The following FAM168A variants were observed in gnomAD, a reference collection of about 807,000 sequenced individuals.
FAM168A encodes the protein protein FAM168A.
FAM168A carries 3 observed loss-of-function variants against 28.5 expected under a neutral mutation model. The observed-to-expected ratio is 0.11, with a 90% confidence interval of 0.05 to 0.27. FAM168A has a LOEUF of 0.27. Ranked by LOEUF, FAM168A falls within the 10% of genes least tolerant of loss-of-function variation. The pLI is 1.00. For synonymous variants in FAM168A, 122 were observed against 124.2 expected (o/e 0.98, Z 0.12); for missense variants, 222 against 311.5 (o/e 0.71, Z 2.16).
At chr11:73,478,828 A>G (rs1319235595) in intron 1 of FAM168A, among the ~76,000 whole-genome samples, 1 of 152,184 alleles carries the variant, frequency 6.6e-6, no homozygotes, top group Non-Finnish European at 1.5e-5. Flanking sequence ...CTTGGAATTA[A>G]CAGCAATATA....
At chr11:73,435,047 G>C (rs1867064536) in intron 2 of FAM168A, among the ~76,000 whole-genome samples, 1 of 152,174 alleles carries the variant, frequency 6.6e-6, no homozygotes, top group Admixed American at 6.5e-5. Context: ...TGAAAAGCTG[G>C]TTTTAAAAGT....
intron 4 of FAM168A, chr11:73,412,401 G>A (rs879372913): frequency 1.3e-5 from 2 of 152,192 alleles, no homozygotes; most frequent in Non-Finnish European, 2.9e-5. Flanking sequence ...GAATGGGGCT[G>A]AGAAGTCAGG....
intron 2 of FAM168A, among the ~76,000 whole-genome samples, chr11:73,446,148 T>G (rs1867310098): frequency 6.6e-6 from 1 of 152,252 alleles, no homozygotes; most frequent in Non-Finnish European, 1.5e-5. Context: ...GAATTACAAT[T>G]AACTCAGGCC....
chr11:73,564,940 G>A (rs1944004895), intron 1 of FAM168A, among the ~76,000 whole-genome samples: 1 of 151,638 alleles, frequency 6.6e-6, no homozygotes, highest in Admixed American at 6.6e-5. Context: ...ACTTAGTCCT[G>A]AAGAAAAAGG....
At chr11:73,512,657 C>T (rs1183629820) in intron 1 of FAM168A, among the ~76,000 whole-genome samples, 2 of 151,396 alleles carry the variant, frequency 1.3e-5, no homozygotes, top group African/African-American at 4.9e-5. Flanking sequence ...AATTGGCAGA[C>T]CCAGAATTCT....
chr11:73,483,395 AG>A (rs1867994456), intron 1 of FAM168A, among the ~76,000 whole-genome samples: 1 of 152,242 alleles, frequency 6.6e-6, no homozygotes, highest in Non-Finnish European at 1.5e-5. Flanking sequence ...TATCTGCCAC[AG>A]GAAGACAATT....
intron 1 of FAM168A, among the ~76,000 whole-genome samples, chr11:73,501,240 T>C (rs1855005645): frequency 6.6e-6 from 1 of 152,148 alleles, no homozygotes; most frequent in African/African-American, 2.4e-5. Flanking sequence ...CACACAATAA[T>C]AGTGGGAGAC....
chr11:73,470,971 T>C (rs1463946957), intron 1 of FAM168A, among the ~76,000 whole-genome samples: 1 of 152,050 alleles, frequency 6.6e-6, no homozygotes, highest in Admixed American at 6.5e-5. Context: ...CAGGAGGAGA[T>C]CATGCCTGGG....
intron 1 of FAM168A, among the ~76,000 whole-genome samples, chr11:73,503,495 TAA>T (rs1191880199): frequency 6.6e-6 from 1 of 151,988 alleles, no homozygotes; most frequent in Non-Finnish European, 1.5e-5. Flanking sequence ...CTCAAGGAAA[TAA>T]GAGAGGACAC....
chr11:73,426,425 G>GCT (rs896126287), intron 3 of FAM168A, among the ~76,000 whole-genome samples: 1 of 152,308 alleles, frequency 6.6e-6, no homozygotes, highest in East Asian at 1.9e-4. Context: ...GCTAAAAATA[G>GCT]CTCTCTCTCA....
At position 73,597,925 on chromosome 11, in the gene FAM168A, G is replaced by A; in HGVS notation, c.-21C>T. On this transcript the variant is annotated splice_region_variant and 5_prime_UTR_variant, in exon 1 of 8. Coordinates refer to ENST00000356467, the MANE Select transcript of FAM168A (RefSeq NM_015159.3). Reference sequence around the variant, plus strand: ...TGTGGCGGGGGGAGTCTCCTCACCGGTGAGCAGCTGCAGGCGAAAACGGCG... The same window carrying A: ...TGTGGCGGGGGGAGTCTCCTCACCGATGAGCAGCTGCAGGCGAAAACGGCG... The A allele has an allele frequency of 6.4e-6, 1 of 155,152 alleles. No homozygotes were observed. Among genetic ancestry groups the A allele is most frequent in the Non-Finnish European group, 1.4e-5 (1 of 70,214 alleles). 9.6% of individuals were successfully genotyped at this position (155,152 alleles called of 1,614,324 possible).
At chr11:73,569,590 G>A (rs1359505912) in intron 1 of FAM168A, among the ~76,000 whole-genome samples, 36 of 152,142 alleles carry the variant, frequency 2.4e-4, no homozygotes, top group Non-Finnish European at 3.8e-4. Flanking sequence ...TTGGGAAGCC[G>A]AGGCGGGCAG....
In FAM168A at chr11:73,537,822, C is replaced by A. The variant is rs187938736; in HGVS notation, c.-19+60101G>T. On this transcript the variant is annotated intron_variant, in intron 1 of 7. Coordinates refer to ENST00000356467, the MANE Select transcript of FAM168A (RefSeq NM_015159.3). The stretch of plus-strand genomic sequence containing the variant: ...TGTATCTGCCCCAAGCCTTCACTTC[C>A]CAATTCCCAATGATGGTGGCAAATT... Among the ~76,000 whole-genome samples the A allele has an allele frequency of 1.2e-4, 19 of 152,280 alleles. No individual in the cohort carries two copies. The East Asian group carries it at 3.7e-3, about 29-fold the overall frequency.
At chr11:73,555,153 A>C (rs1338085192) in intron 1 of FAM168A, among the ~76,000 whole-genome samples, 1 of 152,206 alleles carries the variant, frequency 6.6e-6, no homozygotes, top group East Asian at 1.9e-4. Flanking sequence ...CATGTATTTC[A>C]GTGTTGCTAG....
At chr11:73,532,560 T>C (rs1267324126) in intron 1 of FAM168A, among the ~76,000 whole-genome samples, 1 of 152,226 alleles carries the variant, frequency 6.6e-6, no homozygotes, top group Admixed American at 6.5e-5. Context: ...TGTATATCTT[T>C]AGAGCTTCCA....
At chr11:73,576,277 G>A (rs141220744) in intron 1 of FAM168A, among the ~76,000 whole-genome samples, 35 of 152,236 alleles carry the variant, frequency 2.3e-4, no homozygotes, top group Non-Finnish European at 4.0e-4. Flanking sequence ...AATCTAAATC[G>A]AAGTGTAGAA....
intron 2 of FAM168A, among the ~76,000 whole-genome samples, chr11:73,465,283 CA>C (rs1468183694): frequency 6.7e-6 from 1 of 149,430 alleles, no homozygotes. Context: ...GACACTGACA[CA>C]ATCAGAACAT....
chr11:73,407,480 C>T (rs773493112), intron 7 of FAM168A, 33 bp downstream of exon 7: 1 of 1,453,252 alleles, frequency 6.9e-7, no homozygotes, highest in Admixed American at 2.5e-5. Context: ...GTATGTATCC[C>T]CCTCCCACTT....
At chr11:73,594,778 C>A (rs1944425238) in intron 1 of FAM168A, among the ~76,000 whole-genome samples, 1 of 152,154 alleles carries the variant, frequency 6.6e-6, no homozygotes, top group African/African-American at 2.4e-5. Flanking sequence ...ATCCACCCAC[C>A]TCGGCCTCCC....
Sources: gnomAD v4.1 joint callset for allele counts (sites outside exome capture counted in the v4.1 genomes callset) on GRCh38, gnomAD v4.1.1 for gene constraint, MANE v1.5 for transcripts, NCBI Gene and HGNC (gene_info 2026-07-23, HGNC 2026-07-21) for gene names.